LPP: variants seen among roughly 807,000 people sequenced by gnomAD.
LPP encodes the protein lipoma-preferred partner.
LPP carries 38 observed loss-of-function variants against 60.4 expected under a neutral mutation model. The observed-to-expected ratio is 0.63, with a 90% CI of 0.49 to 0.83. The LOEUF is 0.83. Ranked by LOEUF, LPP falls within the 40% of genes least tolerant of loss-of-function variation. LPP has a pLI of 0.00. For synonymous variants in LPP, 328 were observed against 290.8 expected (o/e 1.13, Z -1.30); for missense variants, 902 against 783.6 (o/e 1.15, Z -1.80).
chr3:188,599,791 G>GTGT (rs1491198905), intron 6 of LPP, among the ~76,000 whole-genome samples: 37 of 48,880 alleles, frequency 7.6e-4, no homozygotes, highest in African/African-American at 2.5e-3. Flanking sequence ...TGTGTGTGTG[G>GTGT]TGTGTGCTTT....
rs537909585 is a variant in LPP at position 188,367,361 on chromosome 3, A to T, written c.-10+25642A>T. ...TTCTTCTACATTCCAAGAAAATCTC[A>T]AGAAGTAGAAATCACTCTGAGTGTC... On this transcript the variant is annotated intron_variant, in intron 3 of 11. Transcript: ENST00000617246. Among the ~76,000 whole-genome samples the T allele has an allele frequency of 1.4e-3, 210 of 152,292 alleles. 3 individuals carry two copies. Among genetic ancestry groups the T allele is most frequent in the Middle Eastern group, 3.4e-3 (1 of 294 alleles).
chr3:188,624,705 T>TTTTCCCTTTCCC lies in LPP; in HGVS notation c.1113+14888_1113+14899dup, dbSNP rs10566349. On this transcript the variant is annotated intron_variant, in intron 7 of 11. Transcript: ENST00000617246. ...TCCCTCCTTCCCTTCCCTTCCTTCCTTTTCCCTTTCCCTTTCCCTTTCCCT... is the reference window on the plus strand; with the variant it reads ...TCCCTCCTTCCCTTCCCTTCCTTCCTTTTCCCTTTCCCTTTCCCTTTCCCTTTCCCTTTCCCT... 3.1e-3 allele frequency among the ~76,000 whole-genome samples: 214 copies of TTTTCCCTTTCCC among 68,442 alleles called. 1 individual carries two copies. The highest frequency in any genetic ancestry group is 4.5e-3 in the Non-Finnish European group (144 of 32,050). The allele number at this position is 68,442 out of a possible 152,430, so 44.9% of individuals were successfully genotyped here.
intron 1 of LPP, among the ~76,000 whole-genome samples, chr3:188,168,944 C>T (rs1185839555): frequency 1.3e-5 from 2 of 152,104 alleles, no homozygotes; most frequent in Non-Finnish European, 2.9e-5. Context: ...CTTGTTTATC[C>T]CCATCAGTTT....
intron 7 of LPP, among the ~76,000 whole-genome samples, chr3:188,615,712 T>C (rs898832638): frequency 1.3e-5 from 2 of 152,152 alleles, no homozygotes; most frequent in Non-Finnish European, 2.9e-5. Context: ...TGTCATCTCA[T>C]TTTTAAGACC....
intron 5 of LPP, among the ~76,000 whole-genome samples, chr3:188,515,189 T>A (rs1164210750): frequency 6.6e-6 from 1 of 152,086 alleles, no homozygotes; most frequent in Non-Finnish European, 1.5e-5. Context: ...CAGAGGTGAA[T>A]CTCTTATGGG....
At chr3:188,792,003 G>A (rs1403031193) in intron 9 of LPP, among the ~76,000 whole-genome samples, 2 of 152,232 alleles carry the variant, frequency 1.3e-5, no homozygotes, top group African/African-American at 4.8e-5. Context: ...TAGTGAGTAA[G>A]CGCCTAAGAC....
At chr3:188,489,463 A>G (rs1248281060) in intron 5 of LPP, among the ~76,000 whole-genome samples, 1 of 152,206 alleles carries the variant, frequency 6.6e-6, no homozygotes, top group Non-Finnish European at 1.5e-5. Flanking sequence ...TTTTTCAGCA[A>G]TAAAATAAAA....
chr3:188,580,068 A>G (rs1224798406), intron 6 of LPP, among the ~76,000 whole-genome samples: 1 of 152,118 alleles, frequency 6.6e-6, no homozygotes, highest in Non-Finnish European at 1.5e-5. Context: ...CCAATGTGTT[A>G]AGATCTCAGG....
intron 1 of LPP, among the ~76,000 whole-genome samples, chr3:188,193,447 G>T (rs1728720560): frequency 6.6e-6 from 1 of 152,230 alleles, no homozygotes; most frequent in South Asian, 2.1e-4. Flanking sequence ...TATTGGAAAG[G>T]TTAAATGAGT....
At chr3:188,611,720 A>G (rs1843752973) in intron 7 of LPP, among the ~76,000 whole-genome samples, 1 of 152,200 alleles carries the variant, frequency 6.6e-6, no homozygotes, top group African/African-American at 2.4e-5. Flanking sequence ...CAGACATGAG[A>G]GAAAGCAAAA....
At chr3:188,760,409 G>GTGTGTGTGTGTGTGT (rs1553836224) in intron 9 of LPP, 127 bp downstream of exon 9, 3 of 602,710 alleles carry the variant, frequency 5.0e-6, no homozygotes, top group Non-Finnish European at 8.8e-6. Flanking sequence ...GTGTGTGTGG[G>GTGTGTGTGTGTGTGT]GTGTGTGTGT....
At chr3:188,211,049 C>A (rs1037105409) in intron 1 of LPP, among the ~76,000 whole-genome samples, 1 of 152,102 alleles carries the variant, frequency 6.6e-6, no homozygotes. Flanking sequence ...TGTTTGCTTA[C>A]GGCATGCTTG....
chr3:188,786,891 G>A (rs1742094232), intron 9 of LPP, among the ~76,000 whole-genome samples: 1 of 152,150 alleles, frequency 6.6e-6, no homozygotes, highest in Admixed American at 6.5e-5. Flanking sequence ...TATAAATGGA[G>A]AACAGATTAG....
At chr3:188,687,698 C>G (rs1221768388) in intron 7 of LPP, among the ~76,000 whole-genome samples, 2 of 151,890 alleles carry the variant, frequency 1.3e-5, no homozygotes, top group African/African-American at 2.4e-5. Context: ...CCCTTTCTTA[C>G]TGACTCATTG....
intron 5 of LPP, among the ~76,000 whole-genome samples, chr3:188,488,844 G>A (rs1210399370): frequency 6.6e-6 from 1 of 151,882 alleles, no homozygotes; most frequent in East Asian, 1.9e-4. Context: ...TCACTATATT[G>A]GCCAGGTTGG....
chr3:188,487,229 A>G (rs1806812925), intron 5 of LPP, among the ~76,000 whole-genome samples: 1 of 152,200 alleles, frequency 6.6e-6, no homozygotes, highest in East Asian at 1.9e-4. Context: ...AATTAAATGA[A>G]ATACAGATGG....
chr3:188,683,136 C>T (rs1859893815), intron 7 of LPP, among the ~76,000 whole-genome samples: 1 of 152,050 alleles, frequency 6.6e-6, no homozygotes, highest in Non-Finnish European at 1.5e-5. Context: ...ATGTTACCGA[C>T]TCTGTGGCAA....
At chr3:188,815,212 A>T (rs1051412565) in intron 9 of LPP, among the ~76,000 whole-genome samples, 1 of 152,174 alleles carries the variant, frequency 6.6e-6, no homozygotes, top group African/African-American at 2.4e-5. Context: ...TGCTATTTGG[A>T]TTTAGTTCCA....
At chr3:188,397,667 G>T (rs550758029) in intron 3 of LPP, among the ~76,000 whole-genome samples, 2 of 151,710 alleles carry the variant, frequency 1.3e-5, no homozygotes, top group East Asian at 3.9e-4. Context: ...AGGCTGGAGT[G>T]CAGTGGCGCG....
Sources: gnomAD v4.1 joint callset for allele counts (sites outside exome capture counted in the v4.1 genomes callset) on GRCh38, gnomAD v4.1.1 for gene constraint, MANE v1.5 for transcripts, NCBI Gene and HGNC (gene_info 2026-07-23, HGNC 2026-07-21) for gene names.